Variants in DST observed in about 807,000 individuals in gnomAD.
DST encodes dystonin.
A neutral mutation model predicts 875.2 loss-of-function variants in DST; 253 were observed. The observed-to-expected ratio is 0.29, with a 90% CI of 0.26 to 0.32. DST has a LOEUF of 0.32. Ranked by LOEUF, DST falls within the 10% of genes least tolerant of loss-of-function variation. The probability of loss-of-function intolerance (pLI) is 1.00; values close to 1 mark genes in which losing one functional copy is unlikely to be tolerated. For missense variants in DST, 8,287 were observed against 9,111.6 expected, an observed-to-expected ratio of 0.91 and a Z score of 3.68; for synonymous variants, 3,124 against 3,197.1, an observed-to-expected ratio of 0.98 and a Z score of 0.77.
At chr6:56,538,894 TG>T (rs1384919137) in intron 61 of DST, among the ~76,000 whole-genome samples, 1 of 152,168 alleles carries the variant, frequency 6.6e-6, no homozygotes, top group Non-Finnish European at 1.5e-5. Flanking sequence ...AACAGAAACT[TG>T]GCAACAAAAT....
intron 50 of DST, among the ~76,000 whole-genome samples, 167 bp downstream of exon 50, chr6:56,578,647 C>G (rs914083315): frequency 2.6e-5 from 4 of 152,152 alleles, no homozygotes; most frequent in Non-Finnish European, 5.9e-5. Context: ...TTCTAATATA[C>G]CTGCCAAAGA....
intron 5 of DST, among the ~76,000 whole-genome samples, chr6:56,717,862 T>C (rs900488509): frequency 3.9e-5 from 6 of 152,162 alleles, no homozygotes; most frequent in African/African-American, 9.7e-5. Context: ...AGAAGACTGA[T>C]TTGAGTAATA....
chr6:56,838,175 C>G (rs902084725), intron 4 of DST, among the ~76,000 whole-genome samples: 5 of 152,158 alleles, frequency 3.3e-5, no homozygotes. Flanking sequence ...TACAAATCAT[C>G]TTTTCTTCCC....
chr6:56,696,245 C>T (rs2152867361), intron 9 of DST, among the ~76,000 whole-genome samples: 1 of 152,324 alleles, frequency 6.6e-6, no homozygotes, highest in South Asian at 2.1e-4. Flanking sequence ...TCACCACAAC[C>T]TCTGCCTCCT....
At chr6:56,804,640 A>G (rs2099751058) in intron 4 of DST, among the ~76,000 whole-genome samples, 1 of 152,192 alleles carries the variant, frequency 6.6e-6, no homozygotes, top group South Asian at 2.1e-4. Context: ...AAGAAGTTCC[A>G]TTAAATACAT....
chr6:56,661,270 A>G (rs1028200443), intron 10 of DST, among the ~76,000 whole-genome samples: 19 of 152,208 alleles, frequency 1.2e-4, no homozygotes, highest in African/African-American at 4.6e-4. Context: ...AAGTGTTAAA[A>G]CAAATAGATG....
chr6:56,749,942 C>T (rs2099582559), intron 4 of DST, among the ~76,000 whole-genome samples: 1 of 152,284 alleles, frequency 6.6e-6, no homozygotes, highest in South Asian at 2.1e-4. Flanking sequence ...CCCCAGTGGG[C>T]TTTAGGAACC....
At chr6:56,861,587 C>T (rs565473282) in intron 3 of DST, among the ~76,000 whole-genome samples, 137 of 152,318 alleles carry the variant, frequency 9.0e-4, no homozygotes, top group Non-Finnish European at 1.5e-3. Flanking sequence ...GCTCAAAGCC[C>T]CCGTATCTGC....
chr6:56,514,576 TATAC>T (rs1554275832), intron 72 of DST, among the ~76,000 whole-genome samples: 12 of 107,284 alleles, frequency 1.1e-4, no homozygotes, highest in East Asian at 4.0e-4. Context: ...GGCACAGGCG[TATAC>T]ACACACACAC....
At position 56,597,626 on chromosome 6, in the gene DST, G is replaced by GA. The variant is rs1161071884; in HGVS notation, c.12195+113dup. On this transcript the variant is annotated intron_variant, in intron 47 of 103. Transcript: ENST00000680361. ...ATTTATATCTGACATGATGAACACA[G>GA]AAAAAAACCTCTTTTGTCAGTAAGG... 7 of 1,107,366 alleles carry GA rather than the reference G, an allele frequency of 6.3e-6. No individual in the cohort carries two copies. In the Middle Eastern group the frequency reaches 1.1e-3, roughly 168 times the overall value. 68.6% of individuals were successfully genotyped at this position (1,107,366 alleles called of 1,614,324 possible).
intron 9 of DST, chr6:56,692,834 T>A (rs1327559084): frequency 1.6e-6 from 2 of 1,289,858 alleles, no homozygotes; most frequent in South Asian, 2.5e-5. Context: ...TGTTTAACGC[T>A]GTCAGCTACA....
At chr6:56,866,816 A>G (rs1399329092) in intron 3 of DST, among the ~76,000 whole-genome samples, 1 of 152,178 alleles carries the variant, frequency 6.6e-6, no homozygotes, top group Non-Finnish European at 1.5e-5. Context: ...GTGCTCAGAA[A>G]ATATTTGTGA....
chr6:56,901,934 T>C (rs1488930917), intron 2 of DST, among the ~76,000 whole-genome samples: 2 of 152,146 alleles, frequency 1.3e-5, no homozygotes, highest in East Asian at 1.9e-4. Flanking sequence ...CATAAACACA[T>C]GGGAATGTGT....
intron 2 of DST, among the ~76,000 whole-genome samples, chr6:56,923,785 A>G (rs1485840147): frequency 6.6e-6 from 1 of 152,190 alleles, no homozygotes; most frequent in Admixed American, 6.5e-5. Context: ...TATGGAAGGC[A>G]GTCTACTCAA....
intron 2 of DST, among the ~76,000 whole-genome samples, chr6:56,940,482 T>C (rs926636688): frequency 3.9e-5 from 6 of 152,184 alleles, no homozygotes; most frequent in African/African-American, 1.4e-4. Flanking sequence ...TTTGTAGCAA[T>C]GTTAATATTA....
At chr6:56,732,953 C>T (rs895211221) in intron 5 of DST, among the ~76,000 whole-genome samples, 35 of 152,168 alleles carry the variant, frequency 2.3e-4, no homozygotes, top group Admixed American at 3.3e-4. Flanking sequence ...AACGAGGGAA[C>T]AGAACCAGAA....
At chr6:56,937,094 C>T (rs1248357966) in intron 2 of DST, among the ~76,000 whole-genome samples, 1 of 151,562 alleles carries the variant, frequency 6.6e-6, no homozygotes, top group African/African-American at 2.4e-5. Flanking sequence ...CAGCAGGAAA[C>T]TTATTTTATT....
At chr6:56,491,159 T>A (rs557442862) in intron 85 of DST, among the ~76,000 whole-genome samples, 55 of 152,302 alleles carry the variant, frequency 3.6e-4, no homozygotes, top group African/African-American at 1.2e-3. Context: ...ATTTCACACC[T>A]CCCATTCAAA....
In DST at chr6:56,494,123, C is replaced by A; in HGVS notation, c.20281G>T (p.Gly6761Cys). The A allele has an allele frequency of 6.2e-7, 1 of 1,611,730 alleles. No homozygotes were observed. The change falls in exon 83 of 104, where the codon GGC becomes TGC. Residue 6761 changes from glycine (G) to cysteine (C), a missense_variant. By Grantham distance (159) the Gly-to-Cys change is radical. Transcript: ENST00000680361. ...EETYKSLMQK[G>C]QQMLARCPKS... ...GGGCATCTTGCAAGCATCTGCTGGCCTTTCTGCATCAGACTCTTATATGTT... is the reference window on the plus strand; with the variant it reads ...GGGCATCTTGCAAGCATCTGCTGGCATTTCTGCATCAGACTCTTATATGTT...
Sources: gnomAD v4.1 joint callset for allele counts (sites outside exome capture counted in the v4.1 genomes callset) on GRCh38, gnomAD v4.1.1 for gene constraint, MANE v1.5 for transcripts, NCBI Gene and HGNC (gene_info 2026-07-23, HGNC 2026-07-21) for gene names.